Variants in RGS5 observed in about 807,000 individuals in gnomAD.
RGS5 encodes the protein regulator of G-protein signalling 5.
RGS5 carries 20 observed loss-of-function variants against 18.9 expected under a neutral mutation model. The ratio of observed to expected loss-of-function variants is 1.06; its 90% CI spans 0.74 to 1.54. RGS5 has a LOEUF of 1.54. Ranked by LOEUF, RGS5 falls within the 40% of genes most tolerant of loss-of-function variation. The pLI, the probability that RGS5 is intolerant of heterozygous loss-of-function variation, is 0.00. For synonymous variants in RGS5, 57 were observed against 76.2 expected (o/e 0.75, Z 1.31); for missense variants, 201 against 211.8 (o/e 0.95, Z 0.32).
chr1:163,158,804 T>C (rs1657686890), intron 3 of RGS5, among the ~76,000 whole-genome samples: 1 of 151,842 alleles, frequency 6.6e-6, no homozygotes, highest in Non-Finnish European at 1.5e-5. Flanking sequence ...GGAGACAGGG[T>C]TTGAGAGCAG....
At chr1:163,245,052 T>C (rs1057244550) in intron 2 of RGS5, 1 of 152,202 alleles carries the variant, frequency 6.6e-6, no homozygotes, top group African/African-American at 2.4e-5. Flanking sequence ...AAACCTTAGG[T>C]CACATTATTG....
intron 1 of RGS5, among the ~76,000 whole-genome samples, chr1:163,184,820 G>T (rs1659003157): frequency 1.3e-5 from 2 of 152,138 alleles, no homozygotes; most frequent in Admixed American, 1.3e-4. Context: ...CCTCCAGGAG[G>T]AATGCAGCCC....
rs562091084 is a variant in RGS5 at position 163,168,679 on chromosome 1, G to A, written c.45-311C>T. On this transcript the variant is annotated intron_variant, in intron 1 of 4. Coordinates refer to ENST00000313961, the MANE Select transcript of RGS5 (RefSeq NM_003617.4). ...ATTTCCATTTTGCAGATGAGGTCAC[G>A]GAATGACAGGAGTTTAAATAACTTA... 3.9e-5 allele frequency among the ~76,000 whole-genome samples: 6 copies of A among 152,098 alleles called. No individual in the cohort carries two copies. The East Asian group carries it at 7.8e-4, about 20-fold the overall frequency.
chr1:163,198,035 T>C (rs1659637074), intron 1 of RGS5, among the ~76,000 whole-genome samples: 1 of 152,158 alleles, frequency 6.6e-6, no homozygotes, highest in Admixed American at 6.6e-5. Flanking sequence ...CTCAGATTAG[T>C]TCATTAGTAG....
intron 2 of RGS5, among the ~76,000 whole-genome samples, chr1:163,299,913 T>G (rs1649510515): frequency 6.6e-6 from 1 of 152,240 alleles, no homozygotes; most frequent in Non-Finnish European, 1.5e-5. Context: ...GAGAATATTT[T>G]GGAAAGGTAG....
intron 1 of RGS5, among the ~76,000 whole-genome samples, chr1:163,199,572 GT>G (rs1357725830): frequency 6.6e-6 from 1 of 151,690 alleles, no homozygotes; most frequent in African/African-American, 2.4e-5. Context: ...TCTTTTTGTT[GT>G]TTAAAAAAAA....
At chr1:163,157,485 C>G (rs1045857479) in intron 3 of RGS5, among the ~76,000 whole-genome samples, 12 of 152,258 alleles carry the variant, frequency 7.9e-5, no homozygotes, top group African/African-American at 2.4e-4. Flanking sequence ...TGAGTAGCAA[C>G]TTAACTGTCT....
rs183162336 is a variant in RGS5, at chr1:163,301,832, C to T, written c.-281+4401G>A. ...GTAAATAATTAAATAGAAATTCTTG[C>T]TTTCACTTCATAATTATCAAAAGAT... is the stretch of plus-strand genomic sequence containing the variant. On this transcript the variant is annotated intron_variant, in intron 2 of 5. Coordinates refer to the RGS5 transcript ENST00000618415. Among the ~76,000 whole-genome samples, 6 of 152,256 alleles carry T rather than the reference C, an allele frequency of 3.9e-5. No homozygotes were observed. In the East Asian group the frequency reaches 1.2e-3, roughly 30 times the overall value.
At chr1:163,252,299 TTTGAAGAG>T (rs1648131668) in intron 2 of RGS5, among the ~76,000 whole-genome samples, 2 of 124,126 alleles carry the variant, frequency 1.6e-5, no homozygotes, top group African/African-American at 5.9e-5. Context: ...ACTGTTGAAT[TTTGAAGAG>T]TTCTTTATAT....
intron 2 of RGS5, among the ~76,000 whole-genome samples, chr1:163,263,123 G>A (rs1313798383): frequency 2.0e-5 from 3 of 152,142 alleles, no homozygotes; most frequent in South Asian, 4.1e-4. Flanking sequence ...AGTCTGGGCA[G>A]CTGTAACTTG....
intron 2 of RGS5, among the ~76,000 whole-genome samples, chr1:163,274,041 G>A (rs547976619): frequency 6.6e-6 from 1 of 152,178 alleles, no homozygotes; most frequent in Non-Finnish European, 1.5e-5. Flanking sequence ...GGATTTGTGT[G>A]TGAATTGGCA....
At chr1:163,234,231 T>C (rs1196487697) in intron 2 of RGS5, among the ~76,000 whole-genome samples, 1 of 152,210 alleles carries the variant, frequency 6.6e-6, no homozygotes, top group Non-Finnish European at 1.5e-5. Context: ...AAAATTCCTC[T>C]CTATTTCTAT....
intron 2 of RGS5, chr1:163,238,726 G>C (rs1647700167): frequency 3.9e-6 from 1 of 254,002 alleles, no homozygotes. Flanking sequence ...TCTTGATGTG[G>C]CTCCTTACAT....
Position 163,275,308 on chromosome 1 carries a change from G to A in RGS5, c.-281+30925C>T, listed in dbSNP as rs1403121484. ...CTAGGACATTCAATAAATCTTCTTA[G>A]TGCCCCCAGGTTTAGCTCATGTCCA... On this transcript the variant is annotated intron_variant, in intron 2 of 5. Transcript: ENST00000618415. 2.2e-3 allele frequency among the ~76,000 whole-genome samples: 333 copies of A among 152,136 alleles called. 1 individual carries two copies. Among genetic ancestry groups the A allele is most frequent in the African/African-American group, 7.9e-3 (327 of 41,504 alleles).
chr1:163,294,137 C>T (rs1479824906), intron 2 of RGS5, among the ~76,000 whole-genome samples: 1 of 152,208 alleles, frequency 6.6e-6, no homozygotes, highest in Non-Finnish European at 1.5e-5. Context: ...CTTTTCACAG[C>T]TCCACTAGGC....
chr1:163,153,609 T>G (rs905318851), intron 3 of RGS5, among the ~76,000 whole-genome samples: 2 of 151,648 alleles, frequency 1.3e-5, no homozygotes, highest in African/African-American at 2.4e-5. Context: ...AAACTTTAGT[T>G]TATAATTTAA....
At chr1:163,233,220 A>G (rs934611107) in intron 2 of RGS5, among the ~76,000 whole-genome samples, 1 of 152,262 alleles carries the variant, frequency 6.6e-6, no homozygotes, top group African/African-American at 2.4e-5. Flanking sequence ...CAGGAGGTAC[A>G]TGATTAATGA....
intron 2 of RGS5, among the ~76,000 whole-genome samples, chr1:163,247,414 G>A (rs1304886452): frequency 6.6e-6 from 1 of 151,752 alleles, no homozygotes; most frequent in Non-Finnish European, 1.5e-5. Context: ...GGGGTAACCT[G>A]CTAATTTAGA....
chr1:163,295,397 C>A (rs188841272), intron 2 of RGS5, among the ~76,000 whole-genome samples: 154 of 152,264 alleles, frequency 1.0e-3, no homozygotes, highest in African/African-American at 3.6e-3. Context: ...CTTTTGTTTT[C>A]ATAAAAATGG....
Sources: allele counts gnomAD v4.1 joint callset (sites outside exome capture counted in the v4.1 genomes callset), GRCh38; gene constraint gnomAD v4.1.1; transcripts MANE v1.5; gene names NCBI Gene and HGNC (gene_info 2026-07-23, HGNC 2026-07-21).